PHYHIP: variants seen among roughly 807,000 people sequenced by gnomAD.
The protein encoded by PHYHIP is phytanoyl-CoA 2-hydroxylase interacting protein.
Under a neutral mutation model 26.1 loss-of-function variants are expected in PHYHIP, and 7 were observed. The ratio of observed to expected loss-of-function variants is 0.27; its 90% CI spans 0.15 to 0.50. The LOEUF is 0.50. Among genes scored for constraint, PHYHIP ranks in the 20% least tolerant of loss-of-function variants. The pLI is 0.98. For missense variants in PHYHIP, 232 were observed against 454.7 expected, an observed-to-expected ratio of 0.51 and a Z score of 4.45; for synonymous variants, 206 against 183.4, an observed-to-expected ratio of 1.12 and a Z score of -1.00.
chr8:22,230,201 T>TCA lies in PHYHIP; in HGVS notation c.-30+1593_-30+1594dup, dbSNP rs1338870826. On this transcript the variant is annotated intron_variant, in intron 1 of 4. Transcript: ENST00000454243. ...TCCCAGGGAGACACACATGTGCCCCTCACACACACACACGCACACACACAC... is the reference window on the plus strand; with the variant it reads ...TCCCAGGGAGACACACATGTGCCCCTCACACACACACACACGCACACACACAC... 5.9e-5 allele frequency among the ~76,000 whole-genome samples: 9 copies of TCA among 151,396 alleles called. No individual in the cohort carries two copies. The South Asian group carries it at 1.5e-3, about 25-fold the overall frequency.
chr8:22,222,026 C>A (rs539104397), intron 4 of PHYHIP, 139 bp from the exon 5 acceptor site: 12 of 673,388 alleles, frequency 1.8e-5, no homozygotes, highest in Non-Finnish European at 3.0e-5. Flanking sequence ...CTCCACTAGT[C>A]GCAAATAGAA....
chr8:22,225,465 A>C (rs925046942), intron 3 of PHYHIP, among the ~76,000 whole-genome samples: 4 of 151,560 alleles, frequency 2.6e-5, no homozygotes, highest in Admixed American at 2.6e-4. Context: ...CTGCATTCCA[A>C]CCTGGGCAAC....
intron 1 of PHYHIP, among the ~76,000 whole-genome samples, chr8:22,229,712 T>C (rs1338265020): frequency 2.6e-5 from 4 of 152,206 alleles, no homozygotes; most frequent in Non-Finnish European, 5.9e-5. Flanking sequence ...CCTCCTTCTC[T>C]TCTTTCTCCC....
At chr8:22,226,271 A>G (rs1454569877) in intron 3 of PHYHIP, among the ~76,000 whole-genome samples, 1 of 152,176 alleles carries the variant, frequency 6.6e-6, no homozygotes. Flanking sequence ...AAGGAAGGAA[A>G]TTTTGGTATA....
chr8:22,221,307 C>T lies in PHYHIP; in HGVS notation c.*46G>A. On this transcript the variant is annotated 3_prime_UTR_variant, in exon 5 of 5. Transcript: ENST00000454243. This position sits in a 1 kb window ranked among gnomAD's most constrained non-coding sequence, Gnocchi z 7.9. Reference sequence around the variant, plus strand: ...TCCCTGAACCTGGGCTACCCACCTCCACCTTCCGCTCATCTCTCCCTCGCC... The same window carrying T: ...TCCCTGAACCTGGGCTACCCACCTCTACCTTCCGCTCATCTCTCCCTCGCC... 2 of 1,510,978 alleles carry T rather than the reference C, an allele frequency of 1.3e-6. No homozygotes were observed. Among genetic ancestry groups the T allele is most frequent in the East Asian group, 2.3e-5 (1 of 43,892 alleles). The allele number at this position is 1,510,978 out of a possible 1,614,324, so 93.6% of individuals were successfully genotyped here.
At chr8:22,222,085 G>A (rs1321899071) in intron 4 of PHYHIP, among the ~76,000 whole-genome samples, 198 bp from the exon 5 acceptor site, 1 of 152,116 alleles carries the variant, frequency 6.6e-6, no homozygotes, top group Admixed American at 6.5e-5. Flanking sequence ...GATTCAACCA[G>A]CCCACTCCTT....
At chr8:22,225,319 T>C (rs536322075) in intron 3 of PHYHIP, among the ~76,000 whole-genome samples, 2 of 151,892 alleles carry the variant, frequency 1.3e-5, no homozygotes, top group African/African-American at 2.4e-5. Context: ...TACAAAAAAA[T>C]ATCAAAAATT....
intron 4 of PHYHIP, among the ~76,000 whole-genome samples, chr8:22,223,529 G>C (rs1223888800): frequency 1.3e-5 from 2 of 152,098 alleles, no homozygotes; most frequent in Non-Finnish European, 2.9e-5. Context: ...TCCCTGGCTC[G>C]AATGAACAAG....
At position 22,221,336 on chromosome 8, in the gene PHYHIP, C is replaced by A; in HGVS notation, c.*17G>T. The A allele has an allele frequency of 3.2e-6, 5 of 1,539,086 alleles. No individual in the cohort carries two copies. Among genetic ancestry groups the A allele is most frequent in the Non-Finnish European group, 4.4e-6 (5 of 1,141,184 alleles). On this transcript the variant is annotated 3_prime_UTR_variant, in exon 5 of 5. Transcript: ENST00000454243. The surrounding 1 kb of genome is among the most constrained non-coding windows in gnomAD (Gnocchi z 7.9). ...TTCCGCTCATCTCTCCCTCGCCCCCCAGCTCCCCAGGAGTCCCTAGCGGCC... is the reference window on the plus strand; with the variant it reads ...TTCCGCTCATCTCTCCCTCGCCCCCAAGCTCCCCAGGAGTCCCTAGCGGCC...
At chr8:22,231,591 G>T (rs1471890290) in intron 1 of PHYHIP, among the ~76,000 whole-genome samples, 1 of 152,180 alleles carries the variant, frequency 6.6e-6, no homozygotes, top group African/African-American at 2.4e-5. Context: ...GAACGGTCAC[G>T]GGGTGACTAA....
At position 22,227,023 on chromosome 8, in the gene PHYHIP, G is replaced by A. The variant is rs747065531; in HGVS notation, c.168C>T (p.Asp56=). Residue 56 remains aspartate (D), a splice_region_variant and synonymous_variant, in exon 3 of 5, where the codon GAC becomes GAT. Coordinates refer to ENST00000454243, the MANE Select transcript of PHYHIP (RefSeq NM_014759.5). ...CCTTGGCCACGAGCTTGGTGGGGACGTCCTGAGAAACAGGGTACAAACAGA... is the reference window on the plus strand; with the variant it reads ...CCTTGGCCACGAGCTTGGTGGGGACATCCTGAGAAACAGGGTACAAACAGA... The part of the protein sequence containing the change: ...NKNSNKFKHR[D]VPTKLVAKAV... 75 of 1,609,536 alleles carry A rather than the reference G, an allele frequency of 4.7e-5. No homozygotes were observed. Among genetic ancestry groups the A allele is most frequent in the Non-Finnish European group, 5.3e-5 (62 of 1,178,542 alleles).
Position 22,221,300 on chromosome 8 carries a change from C to T in PHYHIP, c.*53G>A, listed in dbSNP as rs1563294177. The T allele has an allele frequency of 1.3e-6, 2 of 1,493,510 alleles. No individual in the cohort carries two copies. Among genetic ancestry groups the T allele is most frequent in the Non-Finnish European group, 9.0e-7 (1 of 1,115,418 alleles). The allele number at this position is 1,493,510 out of a possible 1,614,324, so 92.5% of individuals were successfully genotyped here. A position where few individuals can be genotyped will look rare whatever the true frequency, so the allele number is the denominator to read the frequency against. On this transcript the variant is annotated 3_prime_UTR_variant, in exon 5 of 5. Coordinates refer to ENST00000454243, the MANE Select transcript of PHYHIP (RefSeq NM_014759.5). This position sits in a 1 kb window ranked among gnomAD's most constrained non-coding sequence, Gnocchi z 7.9. Reference sequence around the variant, plus strand: ...AGCCAGCTCCCTGAACCTGGGCTACCCACCTCCACCTTCCGCTCATCTCTC... The same window carrying T: ...AGCCAGCTCCCTGAACCTGGGCTACTCACCTCCACCTTCCGCTCATCTCTC...
At chr8:22,230,065 A>AT (rs1425588011) in intron 1 of PHYHIP, among the ~76,000 whole-genome samples, 1 of 152,172 alleles carries the variant, frequency 6.6e-6, no homozygotes, top group Non-Finnish European at 1.5e-5. Flanking sequence ...AATCAGGCAG[A>AT]TGGGATTGAG....
chr8:22,228,050 T>A, intron 2 of PHYHIP, 143 bp downstream of exon 2: 1 of 701,824 alleles, frequency 1.4e-6, no homozygotes, highest in Non-Finnish European at 2.5e-6. Flanking sequence ...AGAGGTCAAG[T>A]AACTTTCCCA....
chr8:22,224,545 C>G (rs1417015992), intron 3 of PHYHIP, among the ~76,000 whole-genome samples: 4 of 152,214 alleles, frequency 2.6e-5, no homozygotes, highest in Admixed American at 2.6e-4. Flanking sequence ...GCGCTGCATA[C>G]TGTCTGTCGT....
chr8:22,222,909 G>C (rs77349565), intron 4 of PHYHIP, among the ~76,000 whole-genome samples: 7,043 of 152,218 alleles, frequency 0.046, 250 homozygotes, highest in Admixed American at 0.087. Context: ...GCTCAGGCTA[G>C]TCTTGAACTC....
At chr8:22,224,050 A>G (rs1244647590) in intron 4 of PHYHIP, 176 bp downstream of exon 4, 3 of 598,480 alleles carry the variant, frequency 5.0e-6, no homozygotes, top group African/African-American at 1.9e-5. Context: ...CCTGAGCCCA[A>G]TCCCCAAAGT....
rs1178803839 is a variant in PHYHIP at position 22,225,602 on chromosome 8, C to T, written c.340+1249G>A. ...CTGAGGTCAGGAGTTCAAGATCAGC[C>T]TGGCCAACATGGTGAAACCCCATCT... On this transcript the variant is annotated intron_variant, in intron 3 of 4. Transcript: ENST00000454243. 2.7e-5 allele frequency among the ~76,000 whole-genome samples: 4 copies of T among 145,836 alleles called. No individual in the cohort carries two copies. The South Asian group carries it at 8.7e-4, about 32-fold the overall frequency.
intron 1 of PHYHIP, among the ~76,000 whole-genome samples, chr8:22,231,455 G>A (rs996235062): frequency 6.6e-6 from 1 of 152,260 alleles, no homozygotes; most frequent in Admixed American, 6.5e-5. Context: ...CAGCCAACTC[G>A]CGAGCGCGCA....
Sources: gnomAD v4.1 joint callset for allele counts (sites outside exome capture counted in the v4.1 genomes callset) on GRCh38, gnomAD v4.1.1 for gene constraint, Gnocchi (gnomAD v3.1) non-coding constraint, MANE v1.5 for transcripts, NCBI Gene and HGNC (gene_info 2026-07-23, HGNC 2026-07-21) for gene names.